Variants in IKBKB observed in about 807,000 individuals in gnomAD.
IKBKB encodes the protein inhibitor of nuclear factor kappa B kinase subunit beta.
A neutral mutation model predicts 113.6 loss-of-function variants in IKBKB; 42 were observed. That is an observed-to-expected ratio of 0.37 (90% CI 0.29 to 0.48). The LOEUF (loss-of-function observed/expected upper bound fraction) is 0.48. Among genes scored for constraint, IKBKB ranks in the 20% least tolerant of loss-of-function variants. The pLI is 0.99. For missense variants in IKBKB, 673 were observed against 939.7 expected, an observed-to-expected ratio of 0.72 and a Z score of 3.71; for synonymous variants, 296 against 361.3, an observed-to-expected ratio of 0.82 and a Z score of 2.05.
In IKBKB at chr8:42,288,717, G is replaced by A. The variant is rs910056341; in HGVS notation, c.189G>A (p.Gln63=). The stretch of plus-strand genomic sequence containing the variant: ...GAGAGCGGTGGTGCCTGGAGATCCA[G>A]ATCATGAGAAGGTGAGGGCCTCGCG... The part of the protein sequence containing the change: ...RNRERWCLEI[Q]IMRRLTHPNV... The change falls in exon 3 of 22, where the codon CAG becomes CAA. Residue 63 remains glutamine, a synonymous_variant. Coordinates refer to ENST00000520810, the MANE Select transcript of IKBKB (RefSeq NM_001556.3). The A allele has an allele frequency of 6.2e-7, 1 of 1,609,998 alleles. No homozygotes were observed. Among genetic ancestry groups the A allele is most frequent in the Non-Finnish European group, 8.5e-7 (1 of 1,178,040 alleles).
At position 42,306,459 on chromosome 8, in the gene IKBKB, C is replaced by G. The variant is rs1158792194; in HGVS notation, c.567+27C>G. 2.1e-6 allele frequency: 3 copies of G among 1,426,212 alleles called. No homozygotes were observed. The South Asian group carries it at 3.4e-5, about 16-fold the overall frequency. 88.3% of individuals were successfully genotyped at this position (1,426,212 alleles called of 1,614,324 possible). Reference sequence around the variant, plus strand: ...TAAGAAGTGGGCCTTGCCTGTTTGCCTGTCAGCTCCTCCCTGCTGCTGCAT... The same window carrying G: ...TAAGAAGTGGGCCTTGCCTGTTTGCGTGTCAGCTCCTCCCTGCTGCTGCAT... On this transcript the variant is annotated intron_variant, in intron 7 of 21. Coordinates refer to ENST00000520810, the MANE Select transcript of IKBKB (RefSeq NM_001556.3).
At chr8:42,311,663 A>G (rs1160555401) in intron 8 of IKBKB, among the ~76,000 whole-genome samples, 1 of 152,132 alleles carries the variant, frequency 6.6e-6, no homozygotes, top group Non-Finnish European at 1.5e-5. Context: ...AGTCTGTTCA[A>G]TTCCACGTTT....
chr8:42,321,873 C>T, intron 16 of IKBKB, 23 bp from the exon 17 acceptor site: 1 of 1,575,012 alleles, frequency 6.3e-7, no homozygotes, highest in Non-Finnish European at 8.6e-7. Flanking sequence ...CAAGTCTAGA[C>T]AGAACTTCTT....
chr8:42,277,593 C>T (rs893316902), intron 2 of IKBKB, among the ~76,000 whole-genome samples: 5 of 152,220 alleles, frequency 3.3e-5, no homozygotes, highest in Admixed American at 6.5e-5. Context: ...CCTTGGCTGC[C>T]TCTGTTTTGA....
At chr8:42,284,248 C>T (rs1307822000) in intron 2 of IKBKB, among the ~76,000 whole-genome samples, 1 of 152,208 alleles carries the variant, frequency 6.6e-6, no homozygotes, top group Non-Finnish European at 1.5e-5. Flanking sequence ...CCATCAGTCC[C>T]ACCTGGGATG....
rs372052387 is a variant in IKBKB, at chr8:42,293,954, C to A, written c.388+442C>A. Among the ~76,000 whole-genome samples the A allele has an allele frequency of 6.6e-5, 10 of 152,312 alleles. No homozygotes were observed. In the South Asian group the frequency reaches 1.5e-3, roughly 22 times the overall value. On this transcript the variant is annotated intron_variant, in intron 5 of 21. Transcript: ENST00000520810. ...TTAATCCCTTGGGTACTGTTGGCTT[C>A]CCCAAATGAGGGCATCTGCGGCACC... is the stretch of plus-strand genomic sequence containing the variant.
Position 42,319,648 on chromosome 8 carries a change from T to C in IKBKB, c.1578+2T>C. The stretch of plus-strand genomic sequence containing the variant: ...CAGGCTGTGGAGCTCTGTGGGCGGG[T>C]AGGAGACTCATTTTGGGTTTCGGAA... On this transcript the variant is annotated splice_donor_variant, in intron 15 of 21. Coordinates refer to ENST00000520810, the MANE Select transcript of IKBKB (RefSeq NM_001556.3). LOFTEE classifies it high-confidence loss of function. The C allele has an allele frequency of 6.3e-7, 1 of 1,584,846 alleles. No individual in the cohort carries two copies. The highest frequency in any genetic ancestry group is 2.2e-5 in the East Asian group (1 of 44,642).
chr8:42,322,222 C>G (rs1819910791), intron 18 of IKBKB, 69 bp downstream of exon 18: 1 of 1,552,424 alleles, frequency 6.4e-7, no homozygotes, highest in Non-Finnish European at 8.9e-7. Context: ...ACCTTCCTCC[C>G]TCCTCTCTGA....
At chr8:42,277,838 C>G (rs2130101791) in intron 2 of IKBKB, among the ~76,000 whole-genome samples, 1 of 152,302 alleles carries the variant, frequency 6.6e-6, no homozygotes, top group African/African-American at 2.4e-5. Flanking sequence ...CTTTGGAGTT[C>G]CTTCAGTTCT....
At chr8:42,296,193 C>T (rs974620505) in intron 5 of IKBKB, among the ~76,000 whole-genome samples, 1 of 152,230 alleles carries the variant, frequency 6.6e-6, no homozygotes, top group Admixed American at 6.5e-5. Context: ...ATAATCTTCT[C>T]TATAAATATT....
At chr8:42,288,256 G>A (rs528366398) in intron 2 of IKBKB, among the ~76,000 whole-genome samples, 2 of 152,114 alleles carry the variant, frequency 1.3e-5, no homozygotes, top group South Asian at 2.1e-4. Flanking sequence ...GTGTGGTTGC[G>A]CATGCCTGTA....
At chr8:42,280,071 C>T (rs1444575711) in intron 2 of IKBKB, among the ~76,000 whole-genome samples, 1 of 152,202 alleles carries the variant, frequency 6.6e-6, no homozygotes, top group East Asian at 1.9e-4. Flanking sequence ...TGGTCTGGAA[C>T]TCCTGGGCTC....
chr8:42,317,587 C>T, intron 11 of IKBKB, 70 bp from the exon 12 acceptor site: 2 of 1,029,152 alleles, frequency 1.9e-6, no homozygotes, highest in Non-Finnish European at 1.5e-6. Context: ...AGCTGTGGAA[C>T]TTCTTCATTA....
At chr8:42,291,901 C>A (rs1247707649) in intron 4 of IKBKB, among the ~76,000 whole-genome samples, 1 of 152,136 alleles carries the variant, frequency 6.6e-6, no homozygotes, top group African/African-American at 2.4e-5. Flanking sequence ...CACTGCATGC[C>A]AGCCTGGGTG....
chr8:42,279,482 C>T (rs953166596), intron 2 of IKBKB, among the ~76,000 whole-genome samples: 2 of 152,172 alleles, frequency 1.3e-5, no homozygotes, highest in African/African-American at 4.8e-5. Context: ...AGAGAAGTGG[C>T]CTGATAATCA....
chr8:42,301,922 G>A (rs1011844404), intron 5 of IKBKB, among the ~76,000 whole-genome samples: 1 of 152,166 alleles, frequency 6.6e-6, no homozygotes, highest in African/African-American at 2.4e-5. Context: ...GTCTCAGTCT[G>A]GGCATGTGTA....
At chr8:42,327,461 G>A (rs1223060572) in intron 20 of IKBKB, among the ~76,000 whole-genome samples, 1 of 150,842 alleles carries the variant, frequency 6.6e-6, no homozygotes, top group African/African-American at 2.4e-5. Context: ...AGCCTCCCGA[G>A]TAGCTGGGAC....
chr8:42,314,774 C>CA (rs915998732), intron 9 of IKBKB, among the ~76,000 whole-genome samples: 2,903 of 112,684 alleles, frequency 0.026, 68 homozygotes, highest in African/African-American at 0.067. Context: ...GACTCCATCT[C>CA]AAAAAAAAAA....
At chr8:42,310,328 A>C (rs1262003368) in intron 8 of IKBKB, among the ~76,000 whole-genome samples, 1 of 152,224 alleles carries the variant, frequency 6.6e-6, no homozygotes, top group African/African-American at 2.4e-5. Flanking sequence ...CCAGCCTCCC[A>C]GGCCCTCATT....
Sources: allele counts gnomAD v4.1 joint callset (sites outside exome capture counted in the v4.1 genomes callset), GRCh38; gene constraint gnomAD v4.1.1; transcripts MANE v1.5; gene names NCBI Gene and HGNC (gene_info 2026-07-23, HGNC 2026-07-21).